The following DLC1 variants were observed in gnomAD, a reference collection of about 807,000 sequenced individuals.
DLC1 encodes rho GTPase-activating protein 7.
Under a neutral mutation model 140.3 loss-of-function variants are expected in DLC1, and 54 were observed. The ratio of observed to expected loss-of-function variants is 0.38; its 90% CI spans 0.31 to 0.48. The LOEUF is 0.48. DLC1 is among the 20% of genes least tolerant of loss of function. The probability of loss-of-function intolerance (pLI) is 0.96; values close to 1 mark genes in which losing one functional copy is unlikely to be tolerated. For synonymous variants in DLC1, 986 were observed against 728.1 expected, an observed-to-expected ratio of 1.35 and a Z score of -5.70; for missense variants, 2,536 against 1,907.0, an observed-to-expected ratio of 1.33 and a Z score of -6.14.
chr8:13,535,700 A>T (rs1020518231), intron 1 of DLC1, among the ~76,000 whole-genome samples: 1 of 149,688 alleles, frequency 6.7e-6, no homozygotes, highest in Non-Finnish European at 1.5e-5. Flanking sequence ...GAAAACAACA[A>T]CCCTCCTCCA....
intron 5 of DLC1, among the ~76,000 whole-genome samples, chr8:13,168,544 C>T (rs1218139122): frequency 6.6e-6 from 1 of 152,048 alleles, no homozygotes; most frequent in African/African-American, 2.4e-5. Flanking sequence ...GATTAATGGT[C>T]AGGATATTAC....
chr8:13,170,442 G>A (rs1825380816), intron 5 of DLC1, among the ~76,000 whole-genome samples: 1 of 152,096 alleles, frequency 6.6e-6, no homozygotes, highest in Non-Finnish European at 1.5e-5. Context: ...TTGAAAATGT[G>A]TTTCCGGGCC....
At chr8:13,150,873 C>T (rs1563111496) in intron 5 of DLC1, among the ~76,000 whole-genome samples, 1 of 152,152 alleles carries the variant, frequency 6.6e-6, no homozygotes, top group East Asian at 1.9e-4. Context: ...AAATACTGGC[C>T]TTAAAAATGC....
At chr8:13,552,858 C>G (rs1446000531) in intron 1 of DLC1, among the ~76,000 whole-genome samples, 1 of 151,588 alleles carries the variant, frequency 6.6e-6, no homozygotes, top group Non-Finnish European at 1.5e-5. Context: ...TCACAGAAAA[C>G]ACATAAACTA....
At chr8:13,186,967 G>C (rs190125991) in intron 5 of DLC1, among the ~76,000 whole-genome samples, 219 of 152,224 alleles carry the variant, frequency 1.4e-3, no homozygotes, top group African/African-American at 5.1e-3. Flanking sequence ...TGTTTGCCTG[G>C]GTATCACCAG....
chr8:13,214,687 G>A (rs1254466966), intron 5 of DLC1: 2 of 780,596 alleles, frequency 2.6e-6, no homozygotes, highest in African/African-American at 3.4e-5. Flanking sequence ...GGTGTAAGGA[G>A]ACAAACCAAT....
At chr8:13,215,150 T>G (rs1828134290) in intron 5 of DLC1, among the ~76,000 whole-genome samples, 1 of 152,206 alleles carries the variant, frequency 6.6e-6, no homozygotes, top group Non-Finnish European at 1.5e-5. Context: ...GAGCCTACTT[T>G]CTACATTCTC....
intron 2 of DLC1, among the ~76,000 whole-genome samples, chr8:13,496,140 A>G (rs1018828093): frequency 6.6e-6 from 1 of 152,198 alleles, no homozygotes; most frequent in East Asian, 1.9e-4. Context: ...CCCTACAGAC[A>G]TGAAAATGTG....
intron 1 of DLC1, among the ~76,000 whole-genome samples, chr8:13,552,113 A>G (rs1178177727): frequency 5.9e-4 from 39 of 66,518 alleles, no homozygotes; most frequent in Non-Finnish European, 9.5e-4. Context: ...CTAGAGGTGT[A>G]TATATATATA....
At chr8:13,374,922 G>T (rs1413142465) in intron 4 of DLC1, among the ~76,000 whole-genome samples, 3 of 152,148 alleles carry the variant, frequency 2.0e-5, no homozygotes, top group Non-Finnish European at 4.4e-5. Context: ...TCCCTTGTAA[G>T]TAGGATTCCC....
chr8:13,099,469 G>C lies in DLC1; in HGVS notation c.2868C>G (p.Asn956Lys). The C allele has an allele frequency of 6.2e-7, 1 of 1,614,116 alleles. No homozygotes were observed. The highest frequency in any genetic ancestry group is 8.5e-7 in the Non-Finnish European group (1 of 1,180,020). Residue 956 changes from asparagine (N) to lysine (K), a missense_variant, in exon 9 of 18, where the codon AAC becomes AAG. By Grantham distance (94) the Asn-to-Lys change is moderately conservative. Coordinates refer to ENST00000276297, the MANE Select transcript of DLC1 (RefSeq NM_182643.3). ...SPKQIHLDVDNDRTTPSDLDS... is the reference protein window; with the variant it reads ...SPKQIHLDVDKDRTTPSDLDS... Reference sequence around the variant, plus strand: ...CCAGGTCGCTGGGTGTGGTTCGGTCGTTGTCCACATCCAGGTGTATCTGTT... The same window carrying C: ...CCAGGTCGCTGGGTGTGGTTCGGTCCTTGTCCACATCCAGGTGTATCTGTT...
At chr8:13,167,455 C>A (rs1825182230) in intron 5 of DLC1, among the ~76,000 whole-genome samples, 1 of 152,038 alleles carries the variant, frequency 6.6e-6, no homozygotes, top group African/African-American at 2.4e-5. Context: ...CCTCATTTCC[C>A]TGGGGATTAT....
chr8:13,506,753 A>G (rs79843491), intron 1 of DLC1, among the ~76,000 whole-genome samples: 4,959 of 151,892 alleles, frequency 0.033, 260 homozygotes, highest in African/African-American at 0.11. Context: ...AGAAGATGTA[A>G]GGGAAATAAT....
intron 1 of DLC1, chr8:13,567,175 C>A (rs1446758852): frequency 5.2e-6 from 8 of 1,551,758 alleles, no homozygotes; most frequent in Non-Finnish European, 7.0e-6. Context: ...AAAGCAGACT[C>A]CAAGCTTGGA....
At chr8:13,222,013 C>T (rs1285157282) in intron 5 of DLC1, among the ~76,000 whole-genome samples, 1 of 146,290 alleles carries the variant, frequency 6.8e-6, no homozygotes, top group East Asian at 2.0e-4. Context: ...TAAACCATTG[C>T]CAAGTGAGAA....
intron 5 of DLC1, among the ~76,000 whole-genome samples, chr8:13,216,506 G>A (rs1210383457): frequency 6.6e-6 from 1 of 152,126 alleles, no homozygotes; most frequent in Non-Finnish European, 1.5e-5. Context: ...CCAACTGGCA[G>A]CACTCTTATT....
chr8:13,155,067 A>T (rs987125106), intron 5 of DLC1, among the ~76,000 whole-genome samples: 2 of 151,610 alleles, frequency 1.3e-5, no homozygotes, highest in African/African-American at 4.8e-5. Context: ...TAACGTATAT[A>T]CTTGTATTTA....
chr8:13,226,617 CAT>C (rs1255443136), intron 5 of DLC1, among the ~76,000 whole-genome samples: 3 of 152,160 alleles, frequency 2.0e-5, no homozygotes, highest in Non-Finnish European at 2.9e-5. Flanking sequence ...CAGTTACAAA[CAT>C]ATGGCAATTG....
chr8:13,598,257 T>C lies in DLC1; in HGVS notation c.-126+6280A>G, dbSNP rs1805747455. Among the ~76,000 whole-genome samples the C allele has an allele frequency of 3.3e-5, 5 of 152,246 alleles. No individual in the cohort carries two copies. The South Asian group carries it at 8.3e-4, about 25-fold the overall frequency. ...TTAATTTGTCTAATTTTTGTAAATATGTAAGAGTAGCATCTAGTGCTTGCT... is the reference window on the plus strand; with the variant it reads ...TTAATTTGTCTAATTTTTGTAAATACGTAAGAGTAGCATCTAGTGCTTGCT... On this transcript the variant is annotated intron_variant, in intron 1 of 1. Transcript: ENST00000631382.
Sources: allele counts gnomAD v4.1 joint callset (sites outside exome capture counted in the v4.1 genomes callset), GRCh38; gene constraint gnomAD v4.1.1; transcripts MANE v1.5; gene names NCBI Gene and HGNC (gene_info 2026-07-23, HGNC 2026-07-21).